Variants in PARN observed in about 807,000 individuals in gnomAD.
PARN encodes poly(A)-specific ribonuclease PARN.
In PARN, 71 loss-of-function variants were observed where a neutral mutation model predicts 102.8. That is an observed-to-expected ratio of 0.69 (90% CI 0.57 to 0.84). The LOEUF (loss-of-function observed/expected upper bound fraction) is 0.84, where lower values mean the gene tolerates loss of function less well. Among genes scored for constraint, PARN ranks in the 40% least tolerant of loss-of-function variants. The pLI, the probability that PARN is intolerant of heterozygous loss-of-function variation, is 0.00. For missense variants in PARN, 782 were observed against 760.9 expected, an observed-to-expected ratio of 1.03 and a Z score of -0.33; for synonymous variants, 261 against 252.9, an observed-to-expected ratio of 1.03 and a Z score of -0.30.
chr16:14,540,795 TA>T (rs1966812483), intron 21 of PARN, among the ~76,000 whole-genome samples: 1 of 151,128 alleles, frequency 6.6e-6, no homozygotes, highest in African/African-American at 2.4e-5. Flanking sequence ...CTAAATGAAA[TA>T]AAAAATTAGC....
At chr16:14,596,571 A>G (rs2151773024) in intron 12 of PARN, among the ~76,000 whole-genome samples, 1 of 151,834 alleles carries the variant, frequency 6.6e-6, no homozygotes, top group African/African-American at 2.4e-5. Flanking sequence ...CCCCTTCTCC[A>G]CAAAAAAAAT....
At chr16:14,503,277 C>T (rs1414164841) in intron 21 of PARN, among the ~76,000 whole-genome samples, 1 of 152,036 alleles carries the variant, frequency 6.6e-6, no homozygotes, top group Non-Finnish European at 1.5e-5. Context: ...TTATACATGT[C>T]AATTTGTATT....
At chr16:14,494,141 C>G (rs1352625360) in intron 21 of PARN, among the ~76,000 whole-genome samples, 1 of 152,174 alleles carries the variant, frequency 6.6e-6, no homozygotes, top group East Asian at 1.9e-4. Context: ...ACTGGGGGAC[C>G]TGAGTACGTG....
intron 6 of PARN, among the ~76,000 whole-genome samples, chr16:14,617,076 T>A (rs1981888): frequency 0.19 from 26,741 of 140,702 alleles, 2,980 homozygotes; most frequent in Middle Eastern, 0.31. Flanking sequence ...TGTTTTTTTT[T>A]AAAAAAAAAA....
intron 21 of PARN, among the ~76,000 whole-genome samples, chr16:14,511,324 C>G (rs1965178754): frequency 6.6e-6 from 1 of 151,970 alleles, no homozygotes; most frequent in South Asian, 2.1e-4. Flanking sequence ...CCCTCAACAC[C>G]CTGCTCAGAA....
intron 22 of PARN, among the ~76,000 whole-genome samples, chr16:14,471,146 T>C (rs1478824082): frequency 6.6e-6 from 1 of 152,200 alleles, no homozygotes; most frequent in Non-Finnish European, 1.5e-5. Context: ...TGTCAAAGTC[T>C]GTAGAGTTGA....
At chr16:14,451,495 T>C (rs1396783574) in intron 22 of PARN, among the ~76,000 whole-genome samples, 1 of 152,112 alleles carries the variant, frequency 6.6e-6, no homozygotes, top group Non-Finnish European at 1.5e-5. Context: ...CGGATGAATC[T>C]CAAACATTCT....
At chr16:14,620,697 T>C (rs1972240407) in intron 5 of PARN, among the ~76,000 whole-genome samples, 1 of 152,200 alleles carries the variant, frequency 6.6e-6, no homozygotes, top group Non-Finnish European at 1.5e-5. Context: ...ACAGTAATCA[T>C]TTACTTATAA....
chr16:14,622,915 G>A (rs1370808448), intron 5 of PARN, among the ~76,000 whole-genome samples: 1 of 151,908 alleles, frequency 6.6e-6, no homozygotes, highest in Admixed American at 6.6e-5. Context: ...ACGAGCCAAG[G>A]CAACATGGTA....
At chr16:14,598,508 A>G (rs1190236601) in intron 12 of PARN, among the ~76,000 whole-genome samples, 1 of 152,118 alleles carries the variant, frequency 6.6e-6, no homozygotes, top group Non-Finnish European at 1.5e-5. Context: ...CAAAACCACC[A>G]CTTATCTGAA....
intron 18 of PARN, among the ~76,000 whole-genome samples, chr16:14,562,448 A>C (rs1968128805): frequency 1.3e-5 from 2 of 151,326 alleles, no homozygotes; most frequent in Middle Eastern, 3.4e-3. Flanking sequence ...AAAAAAAAAA[A>C]AAAACTATGA....
At chr16:14,528,643 C>T (rs1175086046) in intron 21 of PARN, among the ~76,000 whole-genome samples, 2 of 152,012 alleles carry the variant, frequency 1.3e-5, no homozygotes, top group African/African-American at 2.4e-5. Flanking sequence ...GGACATTTAC[C>T]GAGCAGCTAA....
chr16:14,593,815 G>A (rs1399669513), intron 12 of PARN, among the ~76,000 whole-genome samples: 3 of 151,954 alleles, frequency 2.0e-5, no homozygotes. Context: ...TGGCCAACAT[G>A]GCGAAATCCC....
At chr16:14,545,678 T>C (rs1294522164) in intron 21 of PARN, among the ~76,000 whole-genome samples, 3 of 152,090 alleles carry the variant, frequency 2.0e-5, no homozygotes, top group African/African-American at 4.8e-5. Flanking sequence ...AAAGTAAACA[T>C]TGGGGCAGAC....
intron 21 of PARN, among the ~76,000 whole-genome samples, chr16:14,518,291 CAAAAAAAAAAAA>C (rs34169116): frequency 2.9e-4 from 15 of 52,268 alleles, no homozygotes; most frequent in East Asian, 6.3e-4. Flanking sequence ...GACCCTGTCT[CAAAAAAAAAAAA>C]AAAAAAAAAA....
rs1431230610 is a variant in PARN, at chr16:14,564,602, C to T, written c.1263-8893G>A. 1.3e-5 allele frequency among the ~76,000 whole-genome samples: 2 copies of T among 152,132 alleles called. 1 individual carries two copies. Among genetic ancestry groups the T allele is most frequent in the Admixed American group, 1.3e-4 (2 of 15,272 alleles). ...GCGAGGCCTCAGAGGTGTAGGGACA[C>T]AGAGGTTTAGTTTGCATAATGACAC... On this transcript the variant is annotated intron_variant, in intron 18 of 23. Coordinates refer to ENST00000437198, the MANE Select transcript of PARN (RefSeq NM_002582.4).
chr16:14,585,689 C>T (rs1969811129), intron 14 of PARN, among the ~76,000 whole-genome samples: 1 of 152,162 alleles, frequency 6.6e-6, no homozygotes, highest in Non-Finnish European at 1.5e-5. Context: ...CAATTGGACA[C>T]TTCAATAGTT....
chr16:14,627,414 C>T (rs930737378), intron 3 of PARN, 78 bp from the exon 4 acceptor site: 10 of 980,860 alleles, frequency 1.0e-5, no homozygotes, highest in Non-Finnish European at 1.1e-5. Flanking sequence ...AACAGGTGGG[C>T]TTTCTGAATT....
At chr16:14,576,383 G>A (rs944748697) in intron 18 of PARN, 2 of 152,150 alleles carry the variant, frequency 1.3e-5, no homozygotes, top group Non-Finnish European at 2.9e-5. Context: ...AAAGAGACCT[G>A]CTTATTCTTC....
Sources: gnomAD v4.1 joint callset for allele counts (sites outside exome capture counted in the v4.1 genomes callset) on GRCh38, gnomAD v4.1.1 for gene constraint, MANE v1.5 for transcripts, NCBI Gene and HGNC (gene_info 2026-07-23, HGNC 2026-07-21) for gene names.